SOX6: variants seen among roughly 807,000 people sequenced by gnomAD.
SOX6 encodes transcription factor SOX-6.
In SOX6, 11 loss-of-function variants were observed where a neutral mutation model predicts 97.8. The observed-to-expected ratio is 0.11, with a 90% CI of 0.07 to 0.19. SOX6 has a LOEUF of 0.19. Ranked by LOEUF, SOX6 falls within the 10% of genes least tolerant of loss-of-function variation. The probability of loss-of-function intolerance (pLI) is 1.00; values close to 1 mark genes in which losing one functional copy is unlikely to be tolerated. For missense variants in SOX6, 810 were observed against 1,039.5 expected (o/e 0.78, Z 3.04); for synonymous variants, 360 against 371.4 (o/e 0.97, Z 0.35).
chr11:16,501,246 T>A (rs1413728835), intron 4 of SOX6, among the ~76,000 whole-genome samples: 1 of 152,206 alleles, frequency 6.6e-6, no homozygotes, highest in African/African-American at 2.4e-5. Flanking sequence ...CTGGGAAAAC[T>A]GGCTAGCCAT....
chr11:16,227,570 C>T (rs1294584022), intron 4 of SOX6, among the ~76,000 whole-genome samples: 4 of 151,978 alleles, frequency 2.6e-5, no homozygotes, highest in South Asian at 4.1e-4. Context: ...ACTAAAGGTG[C>T]GCCTCACCAG....
At chr11:16,060,765 G>A (rs1847928222) in intron 9 of SOX6, among the ~76,000 whole-genome samples, 1 of 151,830 alleles carries the variant, frequency 6.6e-6, no homozygotes, top group African/African-American at 2.4e-5. Flanking sequence ...AGCTCTAAAG[G>A]AGATATAAAA....
At chr11:16,514,862 C>T (rs1037066720) in intron 4 of SOX6, among the ~76,000 whole-genome samples, 1 of 151,870 alleles carries the variant, frequency 6.6e-6, no homozygotes. Flanking sequence ...CATGTCCCTA[C>T]AAAGGACATG....
At chr11:16,071,520 G>T (rs571797094) in intron 9 of SOX6, among the ~76,000 whole-genome samples, 1 of 150,582 alleles carries the variant, frequency 6.6e-6, no homozygotes, top group Admixed American at 6.6e-5. Context: ...TTTGCAAGGG[G>T]ACACAGCCTC....
chr11:16,599,044 T>C (rs1015775747), intron 4 of SOX6, among the ~76,000 whole-genome samples: 1 of 152,140 alleles, frequency 6.6e-6, no homozygotes, highest in African/African-American at 2.4e-5. Context: ...CTTATATTTA[T>C]TATGCCTATT....
chr11:16,562,537 C>T (rs1258735793), intron 4 of SOX6, among the ~76,000 whole-genome samples: 1 of 152,124 alleles, frequency 6.6e-6, no homozygotes, highest in Non-Finnish European at 1.5e-5. Flanking sequence ...ACTATGGCTC[C>T]ACCCTGACCC....
rs11023945 is a variant in SOX6 at position 16,443,492 on chromosome 11, C to A, written c.-5+32823G>T. ...ACCAACCACAGTGCTAGGTCCTTGA[C>A]AAAATCTCCACAAATTGTTTTTAAG... On this transcript the variant is annotated intron_variant, in intron 1 of 15. Transcript: ENST00000396356. Among the ~76,000 whole-genome samples the A allele has an allele frequency of 4.6e-3, 700 of 152,068 alleles. 5 individuals are homozygous for A. Among genetic ancestry groups the A allele is most frequent in the African/African-American group, 0.016 (677 of 41,466 alleles).
intron 7 of SOX6, among the ~76,000 whole-genome samples, chr11:16,111,159 C>G (rs1199663588): frequency 3.9e-5 from 6 of 152,168 alleles, no homozygotes; most frequent in African/African-American, 1.4e-4. Flanking sequence ...AGCTTCAAAC[C>G]ATTATGCCCC....
At chr11:16,037,393 G>C (rs560224560) in intron 12 of SOX6, among the ~76,000 whole-genome samples, 7 of 152,282 alleles carry the variant, frequency 4.6e-5, no homozygotes, top group African/African-American at 1.7e-4. Context: ...GAAAAGCCCT[G>C]TTTCTACAAC....
At chr11:16,669,393 C>A (rs1847831088) in intron 3 of SOX6, among the ~76,000 whole-genome samples, 1 of 152,350 alleles carries the variant, frequency 6.6e-6, no homozygotes, top group East Asian at 1.9e-4. Context: ...ACCTCCCCCA[C>A]CCAGGGAAGT....
chr11:16,695,991 C>T (rs915822979), intron 3 of SOX6, among the ~76,000 whole-genome samples: 1 of 152,154 alleles, frequency 6.6e-6, no homozygotes, highest in Non-Finnish European at 1.5e-5. Context: ...AGCCTGGTGA[C>T]AGAGTGAATG....
intron 3 of SOX6, among the ~76,000 whole-genome samples, chr11:16,706,651 T>G: frequency 6.8e-6 from 1 of 146,302 alleles, no homozygotes; most frequent in Non-Finnish European, 1.5e-5. Context: ...ATATAGGGGG[T>G]AGGAGGGAGT....
Position 15,988,209 on chromosome 11 carries a change from A to G in SOX6, c.1966+788T>C, listed in dbSNP as rs777918614. ...TGTTTTTCCTTTTTAAAGAGGAAAC[A>G]TGTTGACTGTAATGCTGCATGTTGA... On this transcript the variant is annotated intron_variant, in intron 14 of 15. Coordinates refer to ENST00000683767, the MANE Select transcript of SOX6 (RefSeq NM_001367873.1). Among the ~76,000 whole-genome samples, 16 of 152,244 alleles carry G rather than the reference A, an allele frequency of 1.1e-4. No homozygotes were observed. The East Asian group carries it at 1.3e-3, about 13-fold the overall frequency.
At chr11:16,640,546 T>C (rs1848892515) in intron 3 of SOX6, among the ~76,000 whole-genome samples, 1 of 152,152 alleles carries the variant, frequency 6.6e-6, no homozygotes, top group Non-Finnish European at 1.5e-5. Flanking sequence ...GTCCTGGACT[T>C]TTTTTGGTTG....
intron 14 of SOX6, 139 bp downstream of exon 14, chr11:15,988,858 G>C: frequency 1.3e-6 from 1 of 794,742 alleles, no homozygotes. Flanking sequence ...GGCTCCTGCG[G>C]CAGCTGGCTG....
At chr11:16,714,513 C>T (rs1042102097) in intron 3 of SOX6, among the ~76,000 whole-genome samples, 8 of 141,450 alleles carry the variant, frequency 5.7e-5, no homozygotes, top group South Asian at 4.4e-4. Context: ...AATGCAGTGG[C>T]GCATCTCGGC....
intron 4 of SOX6, among the ~76,000 whole-genome samples, chr11:16,523,401 G>A (rs1198952994): frequency 1.3e-5 from 2 of 152,120 alleles, no homozygotes; most frequent in African/African-American, 4.8e-5. Context: ...ATAAGGAAAC[G>A]AAGGCTGAAA....
At chr11:16,028,967 C>T (rs1283675613) in intron 12 of SOX6, among the ~76,000 whole-genome samples, 2 of 152,162 alleles carry the variant, frequency 1.3e-5, no homozygotes, top group African/African-American at 4.8e-5. Context: ...TCGTCATCTT[C>T]ACATTCAGAA....
At chr11:16,286,433 A>C (rs1854744738) in intron 3 of SOX6, among the ~76,000 whole-genome samples, 2 of 152,172 alleles carry the variant, frequency 1.3e-5, no homozygotes, top group South Asian at 4.1e-4. Flanking sequence ...AAATTGTCTT[A>C]AGATATTACT....
Sources: allele counts gnomAD v4.1 joint callset (sites outside exome capture counted in the v4.1 genomes callset), GRCh38; gene constraint gnomAD v4.1.1; transcripts MANE v1.5; gene names NCBI Gene and HGNC (gene_info 2026-07-23, HGNC 2026-07-21).